Variants in ZNF90 observed in about 807,000 individuals in gnomAD.
ZNF90 encodes zinc finger protein HTF9.
ZNF90 carries 11 observed loss-of-function variants against 12.0 expected under a neutral mutation model. The observed-to-expected ratio is 0.92, with a 90% CI of 0.58 to 1.52. The LOEUF is 1.52. Ranked by LOEUF, ZNF90 falls within the 40% of genes most tolerant of loss-of-function variation. ZNF90 has a pLI of 0.00. For synonymous variants in ZNF90, 232 were observed against 240.1 expected (o/e 0.97, Z 0.31); for missense variants, 765 against 711.5 (o/e 1.08, Z -0.86).
chr19:20,117,493 A>T, intron 3 of ZNF90: 1 of 421,550 alleles, frequency 2.4e-6, no homozygotes, highest in Non-Finnish European at 3.0e-6. Flanking sequence ...GGTGGAGTGC[A>T]GTGGTGTGAT....
intron 1 of ZNF90, among the ~76,000 whole-genome samples, chr19:20,094,133 T>G (rs1245586207): frequency 1.3e-5 from 2 of 152,238 alleles, no homozygotes; most frequent in Admixed American, 1.3e-4. Context: ...CTGCTGTGGC[T>G]TAGGCATTCT....
intron 1 of ZNF90, among the ~76,000 whole-genome samples, chr19:20,100,956 T>G (rs965929460): frequency 6.6e-6 from 1 of 151,682 alleles, no homozygotes; most frequent in African/African-American, 2.4e-5. Flanking sequence ...GAGTCGGGAG[T>G]GCACAACCCC....
chr19:20,095,186 G>A (rs1031217381), intron 1 of ZNF90, among the ~76,000 whole-genome samples: 2 of 152,098 alleles, frequency 1.3e-5, no homozygotes, highest in Admixed American at 1.3e-4. Flanking sequence ...ATCGCATTGG[G>A]AACAGAGGCT....
chr19:20,098,884 C>T (rs1423833715), intron 1 of ZNF90, among the ~76,000 whole-genome samples: 2 of 152,108 alleles, frequency 1.3e-5, no homozygotes, highest in South Asian at 2.1e-4. Flanking sequence ...TCTCCAGTTT[C>T]CTGGTACTTG....
chr19:20,096,467 T>C (rs2088947023), intron 1 of ZNF90, among the ~76,000 whole-genome samples: 1 of 151,888 alleles, frequency 6.6e-6, no homozygotes, highest in Admixed American at 6.6e-5. Flanking sequence ...GGCCATTTTA[T>C]AGGATTTGGG....
At chr19:20,102,299 T>A (rs1331299404) in intron 1 of ZNF90, among the ~76,000 whole-genome samples, 1 of 152,150 alleles carries the variant, frequency 6.6e-6, no homozygotes, top group Admixed American at 6.5e-5. Flanking sequence ...CCTAGTCACC[T>A]GCTCTGTCCT....
At chr19:20,088,266 G>A (rs2088875802) in intron 1 of ZNF90, among the ~76,000 whole-genome samples, 2 of 151,934 alleles carry the variant, frequency 1.3e-5, no homozygotes, top group South Asian at 4.2e-4. Context: ...AAGCGGGATT[G>A]GGGGGGCGTG....
At chr19:20,085,062 A>G (rs1208969846) in intron 1 of ZNF90, among the ~76,000 whole-genome samples, 4 of 151,990 alleles carry the variant, frequency 2.6e-5, no homozygotes, top group Non-Finnish European at 4.4e-5. Flanking sequence ...TTTTTCATTT[A>G]ATTTTTTAAT....
intron 1 of ZNF90, among the ~76,000 whole-genome samples, chr19:20,089,690 G>A (rs546452599): frequency 6.6e-6 from 1 of 152,256 alleles, no homozygotes; most frequent in East Asian, 1.9e-4. Context: ...TGAAATGTCT[G>A]GGGAAGTCTT....
intron 2 of ZNF90, 92 bp downstream of exon 2, chr19:20,104,457 C>T: frequency 1.4e-6 from 2 of 1,403,890 alleles, no homozygotes; most frequent in Non-Finnish European, 9.5e-7. Flanking sequence ...GTATTGTTTG[C>T]ATAAGAGAGT....
Position 20,112,884 on chromosome 19 carries a change from G to A in ZNF90, c.227-4897G>A, listed in dbSNP as rs187746155. Among the ~76,000 whole-genome samples, 39 of 151,776 alleles carry A rather than the reference G, an allele frequency of 2.6e-4. 1 individual carries two copies. The highest frequency in any genetic ancestry group is 2.4e-3 in the Admixed American group (37 of 15,254). On this transcript the variant is annotated intron_variant, in intron 3 of 3. Coordinates refer to ENST00000418063, the MANE Select transcript of ZNF90 (RefSeq NM_007138.2). Reference sequence around the variant, plus strand: ...TGATCTACTTGACGGTATCCAATAAGTTTTGTGTTCCATGTTTTACTGCTT... The same window carrying A: ...TGATCTACTTGACGGTATCCAATAAATTTTGTGTTCCATGTTTTACTGCTT...
intron 1 of ZNF90, among the ~76,000 whole-genome samples, chr19:20,089,794 T>C (rs1215062444): frequency 6.6e-6 from 1 of 152,118 alleles, no homozygotes; most frequent in South Asian, 2.1e-4. Context: ...CGGGGGGTGT[T>C]GCCCAGTCTG....
rs1336751860 is a variant in ZNF90 at position 20,078,261 on chromosome 19, C to T, written c.3+126C>T. On this transcript the variant is annotated intron_variant, in intron 1 of 3. Coordinates refer to ENST00000418063, the MANE Select transcript of ZNF90 (RefSeq NM_007138.2). ...CAATCTGCGACCGACTTCTCCTTGC[C>T]CAGTTCGGCCTCAGTCCCCTTCAGC... is the stretch of plus-strand genomic sequence containing the variant. 17 of 1,283,482 alleles carry T rather than the reference C, an allele frequency of 1.3e-5. No individual in the cohort carries two copies. The African/African-American group carries it at 1.8e-4, about 13-fold the overall frequency. The allele number at this position is 1,283,482 out of a possible 1,614,324, so 79.5% of individuals were successfully genotyped here.
intron 1 of ZNF90, among the ~76,000 whole-genome samples, chr19:20,083,082 C>T (rs976578501): frequency 2.0e-5 from 3 of 152,286 alleles, no homozygotes; most frequent in African/African-American, 7.2e-5. Flanking sequence ...ACCCTATTGT[C>T]CTGCCACATC....
chr19:20,080,356 C>T (rs1467965596), intron 1 of ZNF90: 8 of 460,596 alleles, frequency 1.7e-5, no homozygotes, highest in Non-Finnish European at 3.4e-5. Flanking sequence ...GAAATTCCCC[C>T]GTCCAGCCTC....
chr19:20,118,004 T>C lies in ZNF90; in HGVS notation c.450T>C (p.Tyr150=). 6.2e-7 allele frequency: 1 copy of C among 1,612,824 alleles called. No homozygotes were observed. Among genetic ancestry groups the C allele is most frequent in the Non-Finnish European group, 8.5e-7 (1 of 1,179,370 alleles). Reference sequence around the variant, plus strand: ...GCAAAGTATTTCAATGTGATACATATGTGAAAGTCTCTCATATATTTTCAA... The same window carrying C: ...GCAAAGTATTTCAATGTGATACATACGTGAAAGTCTCTCATATATTTTCAA... The part of the protein sequence containing the change: ...TQSKVFQCDT[Y]VKVSHIFSNS... Residue 150 remains tyrosine (Y), a synonymous_variant, in exon 4 of 4, where the codon TAT becomes TAC. Transcript: ENST00000418063.
intron 3 of ZNF90, among the ~76,000 whole-genome samples, chr19:20,117,013 TTGTGTG>T (rs371655051): frequency 1.2e-4 from 16 of 128,666 alleles, no homozygotes; most frequent in South Asian, 2.5e-4. Context: ...CAACTTACAT[TTGTGTG>T]TGTGTGTGTG....
chr19:20,088,701 CA>C (rs1649600726), intron 1 of ZNF90, among the ~76,000 whole-genome samples: 1 of 152,162 alleles, frequency 6.6e-6, no homozygotes, highest in Non-Finnish European at 1.5e-5. Flanking sequence ...AGGACAACTG[CA>C]GCTAAAGAGT....
rs1555706272 is a variant in ZNF90 at position 20,119,153 on chromosome 19, A to T, written c.1599A>T (p.Gly533=). 2.5e-6 allele frequency: 4 copies of T among 1,612,678 alleles called. No individual in the cohort carries two copies. The highest frequency in any genetic ancestry group is 3.4e-6 in the Non-Finnish European group (4 of 1,179,316). The change falls in exon 4 of 4, where the codon GGA becomes GGT. Residue 533 remains glycine, a synonymous_variant. Transcript: ENST00000418063. ...VLSKHKIIHT[G]AKPYKCEECG... ...GTAAACATAAGATAATTCATACTGG[A>T]GCGAAACCCTACAAATGTGAAGAAT...
Sources: allele counts gnomAD v4.1 joint callset (sites outside exome capture counted in the v4.1 genomes callset), GRCh38; gene constraint gnomAD v4.1.1; transcripts MANE v1.5; gene names NCBI Gene and HGNC (gene_info 2026-07-23, HGNC 2026-07-21).